The following LIMS1 variants were observed in gnomAD, a reference collection of about 807,000 sequenced individuals.
LIMS1 encodes LIM zinc finger domain containing 1.
Under a neutral mutation model 44.1 loss-of-function variants are expected in LIMS1, and 18 were observed. The observed-to-expected ratio is 0.41, with a 90% CI of 0.28 to 0.61. LIMS1 has a LOEUF of 0.61. Ranked by LOEUF, LIMS1 falls within the 20% of genes least tolerant of loss-of-function variation. LIMS1 has a pLI of 0.32. For synonymous variants in LIMS1, 93 were observed against 149.1 expected (o/e 0.62, Z 2.74); for missense variants, 201 against 422.0 (o/e 0.48, Z 4.59).
rs202098759 is a variant in LIMS1, at chr2:108,648,636, T to C, written c.33-10969T>C. 5.9e-5 allele frequency among the ~76,000 whole-genome samples: 9 copies of C among 152,248 alleles called. No individual in the cohort carries two copies. In the East Asian group the frequency reaches 1.2e-3, roughly 20 times the overall value. On this transcript the variant is annotated intron_variant, in intron 1 of 9. Transcript: ENST00000544547. ...CATGGTACTTATACCAAAACAGATA[T>C]ATAAACCAATGGAACAGAACAGAAG...
chr2:108,534,408 C>G (rs543735899), exon 1 of LIMS1: 4,799 of 385,496 alleles, frequency 0.012, 43 homozygotes, highest in African/African-American at 0.019. Flanking sequence ...GCCTTCCCCC[C>G]CCTCCCGCGC....
At chr2:108,590,762 A>G (rs1276464094) in intron 1 of LIMS1, among the ~76,000 whole-genome samples, 1 of 152,152 alleles carries the variant, frequency 6.6e-6, no homozygotes, top group Admixed American at 6.5e-5. Flanking sequence ...TTTCCATCTC[A>G]CCTAGAATAA....
chr2:108,599,510 A>G (rs932892746), intron 1 of LIMS1, among the ~76,000 whole-genome samples: 2 of 152,068 alleles, frequency 1.3e-5, no homozygotes, highest in Non-Finnish European at 2.9e-5. Flanking sequence ...TCTCTTTGAT[A>G]TACTGATTTC....
chr2:108,598,576 G>T (rs535183463), intron 1 of LIMS1, among the ~76,000 whole-genome samples: 2 of 152,198 alleles, frequency 1.3e-5, no homozygotes, highest in Admixed American at 1.3e-4. Flanking sequence ...TCTGGGGGGT[G>T]GTGGGTGGGG....
exon 4 of LIMS1, chr2:108,672,349 T>C (rs1692226743): frequency 5.2e-6 from 7 of 1,340,992 alleles, no homozygotes; most frequent in Non-Finnish European, 7.1e-6. Context: ...GGCCGAGTTA[T>C]CAAAGCCATG....
chr2:108,616,007 G>T (rs886954695), intron 1 of LIMS1, among the ~76,000 whole-genome samples: 1 of 152,196 alleles, frequency 6.6e-6, no homozygotes, highest in East Asian at 1.9e-4. Flanking sequence ...CCTTGAAAAC[G>T]TGGGATTGGA....
chr2:108,552,520 TATATC>T (rs1422212350), intron 1 of LIMS1, among the ~76,000 whole-genome samples: 2 of 146,350 alleles, frequency 1.4e-5, no homozygotes, highest in Non-Finnish European at 3.0e-5. Flanking sequence ...AATATATAAA[TATATC>T]TTATATATTT....
chr2:108,670,825 T>C, exon 3 of LIMS1: 1 of 1,610,792 alleles, frequency 6.2e-7, no homozygotes, highest in Non-Finnish European at 8.5e-7. Flanking sequence ...AGATGCTCTT[T>C]GCCCCTTGCT....
chr2:108,657,818 GGTGTGTCTGCACGCA>G (rs2148962542), intron 1 of LIMS1: 1 of 152,440 alleles, frequency 6.6e-6, no homozygotes, highest in East Asian at 1.9e-4. Flanking sequence ...TGATGAACAT[GGTGTGTCTGCACGCA>G]GTTATTTATG....
chr2:108,562,382 G>A (rs959845502), intron 1 of LIMS1, among the ~76,000 whole-genome samples: 13 of 152,216 alleles, frequency 8.5e-5, no homozygotes, highest in African/African-American at 2.9e-4. Context: ...TAAGCCTCTT[G>A]CACCAGTTAG....
intron 1 of LIMS1, among the ~76,000 whole-genome samples, chr2:108,589,973 G>A (rs902713880): frequency 2.0e-5 from 3 of 152,166 alleles, no homozygotes; most frequent in African/African-American, 7.2e-5. Flanking sequence ...TATGTATTCT[G>A]TTGCTGTTGG....
At chr2:108,583,551 G>A (rs1213419364) in intron 1 of LIMS1, among the ~76,000 whole-genome samples, 1 of 152,106 alleles carries the variant, frequency 6.6e-6, no homozygotes, top group Non-Finnish European at 1.5e-5. Flanking sequence ...AATCAAGTTA[G>A]GTGAAATTAT....
intron 1 of LIMS1, among the ~76,000 whole-genome samples, chr2:108,537,228 C>G (rs911365314): frequency 6.6e-6 from 1 of 152,172 alleles, no homozygotes; most frequent in African/African-American, 2.4e-5. Flanking sequence ...GTTTTGATCT[C>G]TCGGATCCCT....
intron 1 of LIMS1, among the ~76,000 whole-genome samples, chr2:108,629,187 T>TA (rs2148890630): frequency 6.6e-6 from 1 of 152,322 alleles, no homozygotes; most frequent in East Asian, 1.9e-4. Flanking sequence ...ATGGCAGTGT[T>TA]ATAGGGAAGA....
intron 1 of LIMS1, chr2:108,607,031 C>G: frequency 1.7e-6 from 1 of 588,628 alleles, no homozygotes; most frequent in Non-Finnish European, 3.0e-6. Flanking sequence ...ACTTCTAACC[C>G]CAAAGTAAGA....
intron 2 of LIMS1, among the ~76,000 whole-genome samples, chr2:108,661,185 G>A (rs1157159411): frequency 7.2e-6 from 1 of 139,706 alleles, no homozygotes; most frequent in Non-Finnish European, 1.5e-5. Flanking sequence ...TGTCAACTTG[G>A]AAACAGCTTT....
At chr2:108,552,776 C>A (rs1006804148) in intron 1 of LIMS1, among the ~76,000 whole-genome samples, 1 of 151,874 alleles carries the variant, frequency 6.6e-6, no homozygotes, top group Non-Finnish European at 1.5e-5. Context: ...TAAGGTTGCA[C>A]CGTGTTGCCC....
At chr2:108,603,082 G>A (rs1236941315) in intron 1 of LIMS1, among the ~76,000 whole-genome samples, 1 of 152,114 alleles carries the variant, frequency 6.6e-6, no homozygotes, top group Non-Finnish European at 1.5e-5. Flanking sequence ...CCACTCGCCT[G>A]ACCAGGTTTT....
At chr2:108,597,631 G>T (rs1244722649) in intron 1 of LIMS1, among the ~76,000 whole-genome samples, 3 of 148,574 alleles carry the variant, frequency 2.0e-5, no homozygotes, top group Non-Finnish European at 3.0e-5. Context: ...ATAACTAAAA[G>T]AATTTCTTTG....
Sources: gnomAD v4.1 joint callset for allele counts (sites outside exome capture counted in the v4.1 genomes callset) on GRCh38, gnomAD v4.1.1 for gene constraint, MANE v1.5 for transcripts, NCBI Gene and HGNC (gene_info 2026-07-23, HGNC 2026-07-21) for gene names.